The following WAC variants were observed in gnomAD, a reference collection of about 807,000 sequenced individuals.
The protein encoded by WAC is WW domain-containing adapter protein with coiled-coil.
WAC carries 11 observed loss-of-function variants against 79.6 expected under a neutral mutation model. The observed-to-expected ratio is 0.14, with a 90% CI of 0.09 to 0.23. The LOEUF (loss-of-function observed/expected upper bound fraction) is 0.23, where lower values mean the gene tolerates loss of function less well. WAC is among the 10% of genes least tolerant of loss of function. The pLI, the probability that WAC is intolerant of heterozygous loss-of-function variation, is 1.00. For synonymous variants in WAC, 304 were observed against 276.9 expected, an observed-to-expected ratio of 1.10 and a Z score of -0.97; for missense variants, 728 against 773.5, an observed-to-expected ratio of 0.94 and a Z score of 0.70.
At chr10:28,557,232 T>C (rs1221540408) in intron 3 of WAC, among the ~76,000 whole-genome samples, 1 of 152,226 alleles carries the variant, frequency 6.6e-6, no homozygotes, top group African/African-American at 2.4e-5. Flanking sequence ...CCTTGTAATA[T>C]TGACTAATAA....
intron 7 of WAC, 27 bp downstream of exon 7, chr10:28,596,068 C>A: frequency 1.3e-6 from 2 of 1,590,476 alleles, no homozygotes; most frequent in Non-Finnish European, 1.7e-6. Flanking sequence ...AGATGCTGCA[C>A]GTTGAACTAT....
chr10:28,542,877 CTG>C (rs1309386148), intron 3 of WAC, among the ~76,000 whole-genome samples: 2 of 152,168 alleles, frequency 1.3e-5, no homozygotes, highest in South Asian at 2.1e-4. Flanking sequence ...GCAGAACTGA[CTG>C]TATTTTAGTT....
intron 10 of WAC, among the ~76,000 whole-genome samples, chr10:28,614,315 G>C (rs1432483036): frequency 6.0e-5 from 9 of 149,742 alleles, no homozygotes; most frequent in African/African-American, 2.2e-4. Flanking sequence ...CCGTGGTCTC[G>C]ATCTCCTGAC....
At chr10:28,548,246 C>T (rs1261667748) in intron 3 of WAC, among the ~76,000 whole-genome samples, 1 of 152,002 alleles carries the variant, frequency 6.6e-6, no homozygotes, top group East Asian at 1.9e-4. Context: ...TTCTAAAGAC[C>T]CTGGACAATA....
At chr10:28,586,328 G>A (rs1839820005) in intron 4 of WAC, among the ~76,000 whole-genome samples, 1 of 152,126 alleles carries the variant, frequency 6.6e-6, no homozygotes, top group Admixed American at 6.5e-5. Context: ...TTACCGCAGA[G>A]CCTGGCTTAT....
At position 28,620,226 on chromosome 10, in the gene WAC, G is replaced by T. The variant is rs995712506; in HGVS notation, c.*620G>T. The T allele has an allele frequency of 1.3e-5, 2 of 152,438 alleles. No homozygotes were observed. The highest frequency in any genetic ancestry group is 2.4e-5 in the African/African-American group (1 of 41,376). 9.4% of individuals were successfully genotyped at this position (152,438 alleles called of 1,614,324 possible). On this transcript the variant is annotated 3_prime_UTR_variant, in exon 14 of 14. Transcript: ENST00000354911. ...TTCTGATTTTATCCATTTTTTTAAG[G>T]CTCCTCTTTATCTCCTTTCTTAAGG...
chr10:28,595,088 T>C (rs1840287751), intron 6 of WAC, among the ~76,000 whole-genome samples: 2 of 152,232 alleles, frequency 1.3e-5, no homozygotes, highest in African/African-American at 4.8e-5. Context: ...GATAGCATTA[T>C]GCATCATGAT....
chr10:28,562,820 GGTTGTCTTCCCA>G lies in WAC; in HGVS notation c.275-20575_275-20564del, dbSNP rs1218672005. Among the ~76,000 whole-genome samples, 3 of 152,174 alleles carry G rather than the reference GGTTGTCTTCCCA, an allele frequency of 2.0e-5. No individual in the cohort carries two copies. In the East Asian group the frequency reaches 5.8e-4, roughly 29 times the overall value. ...CATTAGGGCAAAACCTCTAGCCTGTGGTTGTCTTCCCAGTTTGTGGCTTTGGGCTTTTTTTTT... is the reference window on the plus strand; with the variant it reads ...CATTAGGGCAAAACCTCTAGCCTGTGGTTTGTGGCTTTGGGCTTTTTTTTT... On this transcript the variant is annotated intron_variant, in intron 3 of 13. Transcript: ENST00000354911.
At chr10:28,568,649 T>A (rs771486001) in intron 3 of WAC, among the ~76,000 whole-genome samples, 44 of 152,162 alleles carry the variant, frequency 2.9e-4, no homozygotes, top group Non-Finnish European at 5.6e-4. Flanking sequence ...ACCCATTAAC[T>A]TGTCATTTAC....
intron 3 of WAC, among the ~76,000 whole-genome samples, chr10:28,548,783 A>G (rs1284060387): frequency 6.6e-6 from 1 of 152,184 alleles, no homozygotes; most frequent in Non-Finnish European, 1.5e-5. Flanking sequence ...ATGGTTGAAA[A>G]TGTTTGCTGT....
At chr10:28,533,661 G>T (rs1205988419) in intron 1 of WAC, 41 bp downstream of exon 1, 1 of 1,538,312 alleles carries the variant, frequency 6.5e-7, no homozygotes. Flanking sequence ...GCGGCGGGGG[G>T]CGGCGGCGGG....
In WAC at chr10:28,621,101, CTT is replaced by C. The variant is rs1461253492; in HGVS notation, c.*1498_*1499del. 2 of 151,298 alleles carry C rather than the reference CTT, an allele frequency of 1.3e-5. No homozygotes were observed. Among genetic ancestry groups the C allele is most frequent in the African/African-American group, 4.9e-5 (2 of 41,232 alleles). 9.4% of individuals were successfully genotyped at this position (151,298 alleles called of 1,614,324 possible). ...ACAAGGGTTTCCGCATGAAAAAAAT[CTT>C]TTCTTCCCCCACAAAAAAACCTTTA... On this transcript the variant is annotated 3_prime_UTR_variant, in exon 14 of 14. Transcript: ENST00000354911.
intron 1 of WAC, 56 bp from the exon 2 acceptor site, chr10:28,533,942 C>G (rs1467955897): frequency 1.9e-6 from 3 of 1,597,290 alleles, no homozygotes; most frequent in African/African-American, 1.4e-5. Context: ...TTCTTCCTCC[C>G]CGGCCCCCCA....
chr10:28,563,570 T>A (rs929934764), intron 3 of WAC, among the ~76,000 whole-genome samples: 5 of 151,658 alleles, frequency 3.3e-5, no homozygotes, highest in Admixed American at 2.6e-4. Context: ...ATACAGTGGG[T>A]TTGTTTGTTT....
intron 3 of WAC, among the ~76,000 whole-genome samples, chr10:28,578,084 G>T (rs1462252359): frequency 6.6e-6 from 1 of 152,170 alleles, no homozygotes; most frequent in Non-Finnish European, 1.5e-5. Context: ...TCTTGAGCCC[G>T]GGAGGCAGAG....
chr10:28,543,010 A>C, intron 3 of WAC, among the ~76,000 whole-genome samples: 1 of 152,224 alleles, frequency 6.6e-6, no homozygotes, highest in African/African-American at 2.4e-5. Flanking sequence ...TATAGCATTT[A>C]ACTAAATGGA....
intron 3 of WAC, among the ~76,000 whole-genome samples, chr10:28,559,739 G>C (rs562486609): frequency 5.3e-5 from 8 of 152,242 alleles, no homozygotes; most frequent in Non-Finnish European, 1.2e-4. Flanking sequence ...ACGGCTACTT[G>C]GTGTCAGTCT....
intron 3 of WAC, among the ~76,000 whole-genome samples, chr10:28,560,768 A>G (rs544929825): frequency 1.8e-4 from 27 of 152,308 alleles, no homozygotes; most frequent in African/African-American, 5.8e-4. Flanking sequence ...AAGTCTGCCT[A>G]TATAGTGTAA....
In WAC at chr10:28,605,556, A is replaced by G. The variant is rs985567398; in HGVS notation, c.920-2630A>G. Among the ~76,000 whole-genome samples the G allele has an allele frequency of 3.0e-4, 45 of 152,136 alleles. 1 individual carries two copies. The highest frequency in any genetic ancestry group is 5.9e-4 in the Admixed American group (9 of 15,268). ...AGTAGAATCAACTGGTTTCCACACT[A>G]CTCACCTGTAATTCCCCAAAACTGC... On this transcript the variant is annotated intron_variant, in intron 7 of 13. Coordinates refer to ENST00000354911, the MANE Select transcript of WAC (RefSeq NM_016628.5).
Sources: allele counts gnomAD v4.1 joint callset (sites outside exome capture counted in the v4.1 genomes callset), GRCh38; gene constraint gnomAD v4.1.1; transcripts MANE v1.5; gene names NCBI Gene and HGNC (gene_info 2026-07-23, HGNC 2026-07-21).